The following STPG2 variants were observed in gnomAD, a reference collection of about 807,000 sequenced individuals.
The protein encoded by STPG2 is sperm tail PG-rich repeat containing 2, also known as sperm-tail PG-rich repeat-containing protein 2.
STPG2 carries 56 observed loss-of-function variants against 54.2 expected under a neutral mutation model. The observed-to-expected ratio is 1.03, with a 90% CI of 0.83 to 1.29. The LOEUF (loss-of-function observed/expected upper bound fraction) is 1.29, where lower values mean the gene tolerates loss of function less well. Ranked by LOEUF, STPG2 falls within the 50% of genes most tolerant of loss-of-function variation. The pLI is 0.00. For missense variants in STPG2, 596 were observed against 544.9 expected (o/e 1.09, Z -0.93); for synonymous variants, 200 against 181.8 (o/e 1.10, Z -0.81).
chr4:97,446,949 A>C (rs1337478015), intron 4 of STPG2, among the ~76,000 whole-genome samples: 1 of 152,240 alleles, frequency 6.6e-6, no homozygotes, highest in East Asian at 1.9e-4. Flanking sequence ...CAACTTTGGA[A>C]CTGGGTAACA....
chr4:98,108,664 G>A (rs1433746106), intron 4 of STPG2, among the ~76,000 whole-genome samples: 2 of 152,044 alleles, frequency 1.3e-5, no homozygotes, highest in Non-Finnish European at 2.9e-5. Context: ...TACATGTGCT[G>A]TATAATCAAA....
Position 97,864,744 on chromosome 4 carries a change from A to G in STPG2, c.1045-23812T>C, listed in dbSNP as rs527857729. ...GCATGCTACTGGTACCAAAACATAG[A>G]TATAGACCAATGGAACAGAACAGAG... On this transcript the variant is annotated intron_variant, in intron 8 of 10. Transcript: ENST00000295268. Among the ~76,000 whole-genome samples, 395 of 152,202 alleles carry G rather than the reference A, an allele frequency of 2.6e-3. 3 individuals are homozygous for G. The highest frequency in any genetic ancestry group is 8.9e-3 in the African/African-American group (369 of 41,528).
intron 10 of STPG2, among the ~76,000 whole-genome samples, chr4:97,592,461 A>C (rs1733169669): frequency 6.6e-6 from 1 of 152,286 alleles, no homozygotes; most frequent in African/African-American, 2.4e-5. Context: ...TTATTATGAA[A>C]ATTTTAATCA....
chr4:98,086,666 G>GAAA lies in STPG2; in HGVS notation c.612+19284_612+19286dup, dbSNP rs35225418. Among the ~76,000 whole-genome samples the GAAA allele has an allele frequency of 1.8e-4, 17 of 94,900 alleles. 2 individuals are homozygous for GAAA. The highest frequency in any genetic ancestry group is 6.3e-4 in the East Asian group (2 of 3,194). 62.3% of individuals were successfully genotyped at this position (94,900 alleles called of 152,430 possible). A position where few individuals can be genotyped will look rare whatever the true frequency, so the allele number is the denominator to read the frequency against. ...ATAATGAATCCACAGATGCATGCCA[G>GAAA]AAAAAAAAAAAAAAAAAAAAAGGTG... On this transcript the variant is annotated intron_variant, in intron 5 of 10. Coordinates refer to ENST00000295268, the MANE Select transcript of STPG2 (RefSeq NM_174952.3).
At chr4:97,905,954 G>T (rs1185295114) in intron 8 of STPG2, among the ~76,000 whole-genome samples, 1 of 152,048 alleles carries the variant, frequency 6.6e-6, no homozygotes, top group Non-Finnish European at 1.5e-5. Context: ...ACAATTAAAA[G>T]AACTAGAAAA....
At chr4:98,032,474 A>G (rs28818180) in intron 5 of STPG2, among the ~76,000 whole-genome samples, 59,876 of 151,880 alleles carry the variant, frequency 0.39, 12,033 homozygotes, top group Middle Eastern at 0.46. Flanking sequence ...AGACACAGAG[A>G]CTCCCACACA....
At chr4:97,457,944 T>C (rs975948443) in intron 4 of STPG2, among the ~76,000 whole-genome samples, 1 of 152,018 alleles carries the variant, frequency 6.6e-6, no homozygotes, top group Non-Finnish European at 1.5e-5. Context: ...CACTGTTAGG[T>C]GAAAAAAATA....
chr4:97,635,446 A>C (rs1721478700), intron 10 of STPG2, among the ~76,000 whole-genome samples: 1 of 152,174 alleles, frequency 6.6e-6, no homozygotes, highest in Non-Finnish European at 1.5e-5. Context: ...CGAGCAAAAT[A>C]ACCAGCTAAC....
chr4:97,949,101 G>C (rs1232977270), intron 7 of STPG2, among the ~76,000 whole-genome samples: 1 of 152,024 alleles, frequency 6.6e-6, no homozygotes, highest in African/African-American at 2.4e-5. Context: ...CCAGGGATAA[G>C]TGCTTATACA....
intron 9 of STPG2, among the ~76,000 whole-genome samples, chr4:97,822,728 A>G (rs1305075426): frequency 6.6e-6 from 1 of 152,194 alleles, no homozygotes; most frequent in Non-Finnish European, 1.5e-5. Context: ...AGTAGGGGGT[A>G]AGGGTGCCAC....
At chr4:98,138,401 T>C (rs28729647) in intron 1 of STPG2, among the ~76,000 whole-genome samples, 59,986 of 151,750 alleles carry the variant, frequency 0.4, 12,102 homozygotes, top group Middle Eastern at 0.46. Context: ...GAGTTCAGTT[T>C]GGGATATATT....
At chr4:97,532,265 G>A (rs537715003) in intron 4 of STPG2, among the ~76,000 whole-genome samples, 1 of 151,996 alleles carries the variant, frequency 6.6e-6, no homozygotes, top group South Asian at 2.1e-4. Flanking sequence ...ATATACTTCA[G>A]ATTTCTTAAA....
At chr4:97,880,250 T>G (rs911482007) in intron 8 of STPG2, among the ~76,000 whole-genome samples, 8 of 152,136 alleles carry the variant, frequency 5.3e-5, no homozygotes, top group Admixed American at 5.2e-4. Flanking sequence ...ATAAAAAAGA[T>G]CCTTTACATT....
chr4:97,850,363 AAAAAAGAAAAAAG>A (rs1267293637), intron 8 of STPG2, among the ~76,000 whole-genome samples: 1 of 151,348 alleles, frequency 6.6e-6, no homozygotes, highest in African/African-American at 2.4e-5. Context: ...ACAAAGAGCA[AAAAAAGAAAAAAG>A]AAAAAGAAAA....
chr4:97,907,485 A>G (rs532230121), intron 8 of STPG2, among the ~76,000 whole-genome samples: 6 of 152,222 alleles, frequency 3.9e-5, no homozygotes, highest in Admixed American at 2.0e-4. Flanking sequence ...TCAAGCTACC[A>G]ATGCCTTTCT....
intron 8 of STPG2, among the ~76,000 whole-genome samples, chr4:97,937,377 C>T (rs937963119): frequency 1.3e-5 from 2 of 152,086 alleles, no homozygotes; most frequent in African/African-American, 4.8e-5. Context: ...AAGGCTACTT[C>T]TGTAATTCAT....
At chr4:97,912,154 AC>A (rs534927626) in intron 8 of STPG2, among the ~76,000 whole-genome samples, 29 of 152,282 alleles carry the variant, frequency 1.9e-4, no homozygotes, top group Non-Finnish European at 3.1e-4. Flanking sequence ...TACAAAAAAA[AC>A]ATTCAAAGAT....
At chr4:97,789,750 C>A (rs895533986) in intron 9 of STPG2, among the ~76,000 whole-genome samples, 2 of 152,118 alleles carry the variant, frequency 1.3e-5, no homozygotes, top group Non-Finnish European at 2.9e-5. Flanking sequence ...TAATGTGTTT[C>A]TCTCCTAAAC....
chr4:98,018,250 G>C (rs943682704), intron 5 of STPG2, among the ~76,000 whole-genome samples: 2 of 151,570 alleles, frequency 1.3e-5, no homozygotes, highest in African/African-American at 4.9e-5. Context: ...TCCCACCTAT[G>C]AGGGAGAACA....
Sources: allele counts gnomAD v4.1 joint callset (sites outside exome capture counted in the v4.1 genomes callset), GRCh38; gene constraint gnomAD v4.1.1; transcripts MANE v1.5; gene names NCBI Gene and HGNC (gene_info 2026-07-23, HGNC 2026-07-21).